The following CDH4 variants were observed in gnomAD, a reference collection of about 807,000 sequenced individuals.
The protein encoded by CDH4 is cadherin 4.
In CDH4, 33 loss-of-function variants were observed where a neutral mutation model predicts 86.0. The observed-to-expected ratio is 0.38, with a 90% CI of 0.29 to 0.51. CDH4 has a LOEUF of 0.51. CDH4 is among the 20% of genes least tolerant of loss of function. CDH4 has a pLI of 0.86. For synonymous variants in CDH4, 555 were observed against 549.4 expected (o/e 1.01, Z -0.14); for missense variants, 1,114 against 1,307.4 (o/e 0.85, Z 2.28).
intron 2 of CDH4, among the ~76,000 whole-genome samples, chr20:61,264,653 A>G (rs1421542586): frequency 6.7e-6 from 1 of 148,920 alleles, no homozygotes. Context: ...AATCTTACAC[A>G]TACCTCAGTG....
At chr20:61,927,940 A>T (rs1301290498) in intron 11 of CDH4, among the ~76,000 whole-genome samples, 1 of 151,994 alleles carries the variant, frequency 6.6e-6, no homozygotes. Context: ...GTGTCTGTTG[A>T]GGTGCCGTAC....
In CDH4 at chr20:61,703,290, T is replaced by C. The variant is rs977871929; in HGVS notation, c.170-40273T>C. On this transcript the variant is annotated intron_variant, in intron 2 of 15. Coordinates refer to ENST00000614565, the MANE Select transcript of CDH4 (RefSeq NM_001794.5). The surrounding 1 kb of genome is among the most constrained non-coding windows in gnomAD (Gnocchi z 4.3). ...TCTGAGCACAGAGACCTGAGCATCA[T>C]GAGGCATTCATCCTAGTTTAAGGAG... is the stretch of plus-strand genomic sequence containing the variant. Among the ~76,000 whole-genome samples, 3 of 152,130 alleles carry C rather than the reference T, an allele frequency of 2.0e-5. No individual in the cohort carries two copies. Among genetic ancestry groups the C allele is most frequent in the Non-Finnish European group, 2.9e-5 (2 of 68,016 alleles).
At chr20:61,271,988 C>T (rs575994146) in intron 2 of CDH4, among the ~76,000 whole-genome samples, 45 of 152,276 alleles carry the variant, frequency 3.0e-4, no homozygotes, top group East Asian at 1.9e-3. Context: ...CCAGAGAGAG[C>T]GGGGGACCGG....
chr20:61,716,967 G>A (rs2087963088), intron 2 of CDH4, among the ~76,000 whole-genome samples: 1 of 152,124 alleles, frequency 6.6e-6, no homozygotes. Flanking sequence ...TGACCTTGAG[G>A]CTGTGGAATG....
chr20:61,790,140 C>A (rs890873432), intron 4 of CDH4, among the ~76,000 whole-genome samples: 8 of 151,824 alleles, frequency 5.3e-5, no homozygotes, highest in Non-Finnish European at 1.2e-4. Flanking sequence ...CTCTGTCCAC[C>A]CATCCACACA....
rs943665701 is a variant in CDH4 at position 61,269,811 on chromosome 20, A to G, written c.169+14874A>G. 2.0e-5 allele frequency among the ~76,000 whole-genome samples: 3 copies of G among 151,828 alleles called. No individual in the cohort carries two copies. The highest frequency in any genetic ancestry group is 4.4e-5 in the Non-Finnish European group (3 of 67,984). On this transcript the variant is annotated intron_variant, in intron 2 of 15. Transcript: ENST00000614565. This position sits in a 1 kb window ranked among gnomAD's most constrained non-coding sequence, Gnocchi z 5.3. ...GGCTCCAGAGGCTCCCGGCGGGGAGACTGTCAGATAGCAACTCCATGTTCC... is the reference window on the plus strand; with the variant it reads ...GGCTCCAGAGGCTCCCGGCGGGGAGGCTGTCAGATAGCAACTCCATGTTCC...
intron 4 of CDH4, among the ~76,000 whole-genome samples, chr20:61,793,374 A>G (rs964655322): frequency 2.0e-5 from 3 of 152,244 alleles, no homozygotes; most frequent in African/African-American, 4.8e-5. Context: ...GGCCCTCCAA[A>G]GGCACATAAA....
intron 2 of CDH4, among the ~76,000 whole-genome samples, chr20:61,686,703 GCGTGTGCATTCC>G (rs1366289740): frequency 1.3e-5 from 2 of 151,826 alleles, no homozygotes; most frequent in African/African-American, 4.8e-5. Flanking sequence ...GTGTGTATGT[GCGTGTGCATTCC>G]CGTGTGTGTG....
At chr20:61,919,719 C>T (rs563550696) in intron 9 of CDH4, among the ~76,000 whole-genome samples, 5 of 151,224 alleles carry the variant, frequency 3.3e-5, no homozygotes, top group South Asian at 4.2e-4. Context: ...TGCGTGGAAG[C>T]GCTGTGTCAT....
At chr20:61,832,877 T>A (rs1251604110) in intron 4 of CDH4, among the ~76,000 whole-genome samples, 1 of 152,192 alleles carries the variant, frequency 6.6e-6, no homozygotes, top group East Asian at 1.9e-4. Context: ...ACCTCTTATT[T>A]CTGTGCCCCT....
At chr20:61,614,361 C>A (rs2086708965) in intron 2 of CDH4, among the ~76,000 whole-genome samples, 1 of 152,140 alleles carries the variant, frequency 6.6e-6, no homozygotes, top group Admixed American at 6.5e-5. Flanking sequence ...GGGCGGGCAC[C>A]TGGAGGGCAG....
rs398061558 is a variant in CDH4 at position 61,754,777 on chromosome 20, CCACA to C, written c.396+10996_396+10999del. Among the ~76,000 whole-genome samples, 1 of 144,588 alleles carries C rather than the reference CCACA, an allele frequency of 6.9e-6. No homozygotes were observed. The highest frequency in any genetic ancestry group is 2.6e-5 in the African/African-American group (1 of 38,260). 94.9% of individuals were successfully genotyped at this position (144,588 alleles called of 152,430 possible). On this transcript the variant is annotated intron_variant, in intron 3 of 15. Transcript: ENST00000614565. The surrounding 1 kb of genome is among the most constrained non-coding windows in gnomAD (Gnocchi z 4.7). The stretch of plus-strand genomic sequence containing the variant: ...ACACACACAGTGCATGCCACACACA[CCACA>C]CACACACTGCACGCCACACACACCA...
intron 4 of CDH4, among the ~76,000 whole-genome samples, 169 bp downstream of exon 4, chr20:61,773,351 C>G (rs939930769): frequency 6.6e-6 from 1 of 152,184 alleles, no homozygotes; most frequent in Non-Finnish European, 1.5e-5. Context: ...AAAATTCAGG[C>G]GGGGAAGCTG....
intron 4 of CDH4, among the ~76,000 whole-genome samples, chr20:61,839,206 T>C (rs551619350): frequency 8.3e-4 from 126 of 152,310 alleles, no homozygotes; most frequent in African/African-American, 2.7e-3. Flanking sequence ...AAGGGAGGCT[T>C]GATGAGTGGC....
chr20:61,810,007 C>T lies in CDH4; in HGVS notation c.577-34661C>T, dbSNP rs985576837. On this transcript the variant is annotated intron_variant, in intron 4 of 15. Transcript: ENST00000614565. The surrounding 1 kb of genome is among the most constrained non-coding windows in gnomAD (Gnocchi z 4.3). ...GACCATCGTATCAGTTGGTGATTGC[C>T]GTGATAATCCTGCATAACAACCACC... 1.3e-5 allele frequency among the ~76,000 whole-genome samples: 2 copies of T among 152,158 alleles called. No individual in the cohort carries two copies. Among genetic ancestry groups the T allele is most frequent in the African/African-American group, 2.4e-5 (1 of 41,430 alleles).
chr20:61,487,650 A>G (rs955810793), intron 2 of CDH4, among the ~76,000 whole-genome samples: 4 of 152,174 alleles, frequency 2.6e-5, no homozygotes, highest in Non-Finnish European at 5.9e-5. Context: ...CAATCTGACA[A>G]GACAACCCTT....
intron 2 of CDH4, among the ~76,000 whole-genome samples, chr20:61,470,177 C>T (rs1176441285): frequency 1.3e-5 from 2 of 152,034 alleles, no homozygotes; most frequent in East Asian, 3.9e-4. Context: ...TGTATTTATT[C>T]TTCTAATCCA....
intron 2 of CDH4, among the ~76,000 whole-genome samples, chr20:61,520,251 G>A (rs149188266): frequency 0.023 from 3,430 of 152,314 alleles, 58 homozygotes; most frequent in Non-Finnish European, 0.031. Flanking sequence ...GGCCGCCTGT[G>A]TGGGACTGTC....
intron 9 of CDH4, among the ~76,000 whole-genome samples, chr20:61,922,618 C>T (rs566877745): frequency 1.4e-4 from 22 of 152,334 alleles, no homozygotes; most frequent in African/African-American, 3.6e-4. Flanking sequence ...GGAACGGTCT[C>T]GCTTAGGAGG....
Sources: allele counts gnomAD v4.1 joint callset (sites outside exome capture counted in the v4.1 genomes callset), GRCh38; gene constraint gnomAD v4.1.1; non-coding constraint Gnocchi (gnomAD v3.1); transcripts MANE v1.5; gene names NCBI Gene and HGNC (gene_info 2026-07-23, HGNC 2026-07-21).